The following MYRFL variants were observed in gnomAD, a reference collection of about 807,000 sequenced individuals.
The protein encoded by MYRFL is myelin regulatory factor-like protein.
In MYRFL, 88 loss-of-function variants were observed where a neutral mutation model predicts 109.4. The ratio of observed to expected loss-of-function variants is 0.80; its 90% confidence interval spans 0.68 to 0.96. The LOEUF is 0.96. Among genes scored for constraint, MYRFL ranks in the 40% least tolerant of loss-of-function variants. The pLI is 0.00. For missense variants in MYRFL, 957 were observed against 954.9 expected, an observed-to-expected ratio of 1.00 and a Z score of -0.03; for synonymous variants, 324 against 320.9, an observed-to-expected ratio of 1.01 and a Z score of -0.10.
intron 13 of MYRFL, among the ~76,000 whole-genome samples, chr12:69,923,528 T>G (rs1332959581): frequency 6.6e-6 from 1 of 152,204 alleles, no homozygotes; most frequent in Non-Finnish European, 1.5e-5. Flanking sequence ...TTTATATCTC[T>G]TTTCTTAAAT....
At chr12:69,832,652 T>A (rs1368828479) in intron 1 of MYRFL, among the ~76,000 whole-genome samples, 1 of 152,010 alleles carries the variant, frequency 6.6e-6, no homozygotes, top group Non-Finnish European at 1.5e-5. Context: ...AAAGAGCAAC[T>A]GTGCCGTCAC....
intron 19 of MYRFL, among the ~76,000 whole-genome samples, chr12:69,938,982 G>A (rs943328679): frequency 9.2e-5 from 14 of 152,316 alleles, no homozygotes; most frequent in East Asian, 3.9e-4. Context: ...GCGCATTTCC[G>A]ACGGGCTTAA....
At chr12:69,828,208 C>G (rs929012303) in intron 1 of MYRFL, among the ~76,000 whole-genome samples, 1 of 151,972 alleles carries the variant, frequency 6.6e-6, no homozygotes, top group Non-Finnish European at 1.5e-5. Context: ...TGGGGTTTGC[C>G]CCTTTCAGTG....
At chr12:69,840,995 A>T (rs190416394) in intron 1 of MYRFL, among the ~76,000 whole-genome samples, 1 of 152,314 alleles carries the variant, frequency 6.6e-6, no homozygotes, top group East Asian at 1.9e-4. Context: ...CCAGCCAGAG[A>T]CAGTCTTTTA....
chr12:69,924,495 T>A (rs978320197), intron 13 of MYRFL, among the ~76,000 whole-genome samples: 1 of 152,184 alleles, frequency 6.6e-6, no homozygotes, highest in African/African-American at 2.4e-5. Context: ...TACCACAGTT[T>A]ATTATCAATT....
At chr12:69,832,971 TGTGTGTG>T (rs1882726818) in intron 1 of MYRFL, among the ~76,000 whole-genome samples, 1 of 151,408 alleles carries the variant, frequency 6.6e-6, no homozygotes, top group African/African-American at 2.4e-5. Flanking sequence ...TGTGTGTGTG[TGTGTGTG>T]TGTGTGTGTA....
rs1375336381 is a variant in MYRFL at position 69,830,225 on chromosome 12, T to C, written c.46+4662T>C. 2.6e-5 allele frequency among the ~76,000 whole-genome samples: 4 copies of C among 151,832 alleles called. No homozygotes were observed. The East Asian group carries it at 5.8e-4, about 22-fold the overall frequency. On this transcript the variant is annotated intron_variant, in intron 1 of 24. Transcript: ENST00000552032. ...TCTAATGGTGGAATTTTAGGTATTA[T>C]ATTGTACCCAGCATCTTTGAAATTA... is the stretch of plus-strand genomic sequence containing the variant.
At position 69,893,760 on chromosome 12, in the gene MYRFL, A is replaced by G; in HGVS notation, c.904-4A>G. ...ATTAGTTTACTTTTTGTTGTTTCAT[A>G]CAGGTGGAAGCTACCAATCAAATAA... On this transcript the variant is annotated splice_polypyrimidine_tract_variant and splice_region_variant and intron_variant, in intron 7 of 24. Coordinates refer to ENST00000552032, the MANE Select transcript of MYRFL (RefSeq NM_182530.3). 1.4e-6 allele frequency: 2 copies of G among 1,403,498 alleles called. No homozygotes were observed. Among genetic ancestry groups the G allele is most frequent in the Non-Finnish European group, 1.9e-6 (2 of 1,078,624 alleles). The allele number at this position is 1,403,498 out of a possible 1,614,324, so 86.9% of individuals were successfully genotyped here.
intron 2 of MYRFL, among the ~76,000 whole-genome samples, chr12:69,872,511 T>C (rs1237443616): frequency 1.3e-5 from 2 of 152,052 alleles, no homozygotes; most frequent in Non-Finnish European, 2.9e-5. Flanking sequence ...AAAAAATTTT[T>C]TTTTTTTGAG....
At chr12:69,938,584 G>C (rs575131177) in intron 19 of MYRFL, among the ~76,000 whole-genome samples, 2 of 152,268 alleles carry the variant, frequency 1.3e-5, no homozygotes, top group East Asian at 3.9e-4. Flanking sequence ...ATGTCTTGAT[G>C]ATCCTGACCT....
At chr12:69,865,256 G>C (rs533351875) in intron 2 of MYRFL, among the ~76,000 whole-genome samples, 1 of 152,324 alleles carries the variant, frequency 6.6e-6, no homozygotes, top group East Asian at 1.9e-4. Context: ...AATGAGGAGT[G>C]AACAGCTGTG....
chr12:69,827,717 A>T (rs992639730), intron 1 of MYRFL, among the ~76,000 whole-genome samples: 20 of 152,232 alleles, frequency 1.3e-4, no homozygotes, highest in African/African-American at 4.8e-4. Context: ...GGAATATTTT[A>T]TGGCTATTAA....
Position 69,880,255 on chromosome 12 carries a change from C to T in MYRFL, c.519C>T (p.Ser173=), listed in dbSNP as rs1885981369. 5.7e-6 allele frequency: 4 copies of T among 702,628 alleles called. No homozygotes were observed. The highest frequency in any genetic ancestry group is 2.7e-5 in the East Asian group (1 of 37,268). 43.5% of individuals were successfully genotyped at this position (702,628 alleles called of 1,614,324 possible). A position where few individuals can be genotyped will look rare whatever the true frequency, so the allele number is the denominator to read the frequency against. ...KRKCTQALED[S]GECRVWACHC... Reference sequence around the variant, plus strand: ...AGTGCACGCAGGCACTGGAGGACTCCGGGGAATGCCGAGTGTGGGCCTGCC... The same window carrying T: ...AGTGCACGCAGGCACTGGAGGACTCTGGGGAATGCCGAGTGTGGGCCTGCC... Residue 173 remains serine (S), a synonymous_variant, in exon 5 of 25, where the codon TCC becomes TCT. Coordinates refer to ENST00000552032, the MANE Select transcript of MYRFL (RefSeq NM_182530.3).
chr12:69,875,372 A>T (rs1286593649), intron 2 of MYRFL, among the ~76,000 whole-genome samples: 1 of 150,862 alleles, frequency 6.6e-6, no homozygotes, highest in Non-Finnish European at 1.5e-5. Flanking sequence ...GATTTTATTT[A>T]TTTTTTTTCA....
At chr12:69,954,864 G>A (rs1956059529) in intron 21 of MYRFL, among the ~76,000 whole-genome samples, 1 of 152,106 alleles carries the variant, frequency 6.6e-6, no homozygotes, top group Admixed American at 6.5e-5. Context: ...ATTACTAAAT[G>A]GTAATTAGAA....
chr12:69,910,890 G>A lies in MYRFL; in HGVS notation c.1562G>A (p.Gly521Glu). 1.3e-6 allele frequency: 2 copies of A among 1,535,274 alleles called. No individual in the cohort carries two copies. Among genetic ancestry groups the A allele is most frequent in the Non-Finnish European group, 1.7e-6 (2 of 1,146,296 alleles). The change falls in exon 13 of 25, where the codon GGA (glycine) becomes GAA (glutamate). Residue 521 changes from glycine (G) to glutamate (E), a missense_variant. By Grantham distance (98) the Gly-to-Glu change is moderately conservative. Transcript: ENST00000552032. The stretch of plus-strand genomic sequence containing the variant: ...AGAGAGGTTGGTGATGTCACCTGCG[G>A]AAACGGAGAGACCTTGGAGAACTTC... ...AVREVGDVTC[G>E]NGETLENFLM...
intron 6 of MYRFL, among the ~76,000 whole-genome samples, chr12:69,887,845 A>G (rs1886553923): frequency 6.6e-6 from 1 of 152,180 alleles, no homozygotes; most frequent in Non-Finnish European, 1.5e-5. Flanking sequence ...TCATTGTATC[A>G]TTGAAATGTC....
chr12:69,880,513 G>C (rs1268396478), intron 5 of MYRFL, among the ~76,000 whole-genome samples: 3 of 152,198 alleles, frequency 2.0e-5, no homozygotes, highest in Non-Finnish European at 4.4e-5. Context: ...TCTCAGGTGT[G>C]GGTGAAGTGC....
At chr12:69,906,058 A>G (rs1801794531) in intron 11 of MYRFL, among the ~76,000 whole-genome samples, 1 of 152,246 alleles carries the variant, frequency 6.6e-6, no homozygotes. Flanking sequence ...TGGCTTCTGA[A>G]TGGATGAGCT....
Sources: allele counts gnomAD v4.1 joint callset (sites outside exome capture counted in the v4.1 genomes callset), GRCh38; gene constraint gnomAD v4.1.1; transcripts MANE v1.5; gene names NCBI Gene and HGNC (gene_info 2026-07-23, HGNC 2026-07-21).